Variants in NOX4 observed in about 807,000 individuals in gnomAD.
NOX4 encodes the protein NADPH oxidase 4, also known as kidney oxidase-1.
NOX4 carries 69 observed loss-of-function variants against 87.6 expected under a neutral mutation model. The ratio of observed to expected loss-of-function variants is 0.79; its 90% CI spans 0.65 to 0.96. NOX4 has a LOEUF of 0.96. Ranked by LOEUF, NOX4 falls within the 40% of genes least tolerant of loss-of-function variation. NOX4 has a pLI of 0.00. For missense variants in NOX4, 680 were observed against 681.5 expected (o/e 1.00, Z 0.02); for synonymous variants, 275 against 238.2 (o/e 1.15, Z -1.42).
chr11:89,339,378 T>C (rs1945872448), intron 15 of NOX4, among the ~76,000 whole-genome samples: 1 of 152,152 alleles, frequency 6.6e-6, no homozygotes, highest in South Asian at 2.1e-4. Flanking sequence ...AATAGTATGA[T>C]ATAATTTATA....
intron 12 of NOX4, among the ~76,000 whole-genome samples, chr11:89,372,804 A>G (rs1298541814): frequency 1.3e-5 from 2 of 151,994 alleles, no homozygotes; most frequent in African/African-American, 4.8e-5. Context: ...TAACAAGCCA[A>G]CATTTACTGA....
the NOX4 span, among the ~76,000 whole-genome samples, chr11:89,553,271 G>C: frequency 6.6e-6 from 1 of 152,106 alleles, no homozygotes; most frequent in Non-Finnish European, 1.5e-5. Flanking sequence ...TTGGATCGTG[G>C]GGACAGTTTC....
chr11:89,340,903 T>C (rs1486869101), intron 14 of NOX4, among the ~76,000 whole-genome samples: 1 of 152,128 alleles, frequency 6.6e-6, no homozygotes, highest in Non-Finnish European at 1.5e-5. Context: ...TTACATCTAG[T>C]ATTTAAAACT....
At chr11:89,468,859 C>T (rs568038668) in intron 2 of NOX4, among the ~76,000 whole-genome samples, 1 of 152,292 alleles carries the variant, frequency 6.6e-6, no homozygotes, top group Admixed American at 6.5e-5. Flanking sequence ...ATTCTCCCAC[C>T]TCAGCCTCTA....
intron 6 of NOX4, among the ~76,000 whole-genome samples, chr11:89,436,985 G>GA (rs1944109186): frequency 6.6e-6 from 1 of 151,472 alleles, no homozygotes; most frequent in African/African-American, 2.4e-5. Flanking sequence ...AGATTCCATT[G>GA]AAAAAAATTC....
intron 7 of NOX4, among the ~76,000 whole-genome samples, chr11:89,432,094 C>T (rs1298515211): frequency 2.3e-4 from 35 of 150,982 alleles, no homozygotes; most frequent in African/African-American, 2.7e-4. Flanking sequence ...AGCAAACTAT[C>T]GCAAGGACAA....
At chr11:89,544,220 T>C in the NOX4 span, among the ~76,000 whole-genome samples, 2 of 152,158 alleles carry the variant, frequency 1.3e-5, no homozygotes, top group Admixed American at 6.5e-5. Flanking sequence ...TTGAAATCTC[T>C]GCTTAAATGT....
intron 13 of NOX4, among the ~76,000 whole-genome samples, chr11:89,353,917 T>C (rs1937776070): frequency 6.6e-6 from 1 of 152,188 alleles, no homozygotes; most frequent in Non-Finnish European, 1.5e-5. Context: ...TCTTTGTGTG[T>C]GTTATCAGGG....
chr11:89,534,653 G>A, the NOX4 span, among the ~76,000 whole-genome samples: 1 of 152,206 alleles, frequency 6.6e-6, no homozygotes, highest in Non-Finnish European at 1.5e-5. Flanking sequence ...AGTGCTGTCA[G>A]CAAAGAAAAT....
At chr11:89,560,355 T>C in the NOX4 span, among the ~76,000 whole-genome samples, 1 of 152,130 alleles carries the variant, frequency 6.6e-6, no homozygotes, top group African/African-American at 2.4e-5. Flanking sequence ...TTCTGGCACC[T>C]TTGATTTTTT....
At chr11:89,548,184 C>G in the NOX4 span, 1 of 152,164 alleles carries the variant, frequency 6.6e-6, no homozygotes, top group East Asian at 1.9e-4. Context: ...GGAAGCCCTA[C>G]TCCCAGTGCG....
intron 2 of NOX4, among the ~76,000 whole-genome samples, chr11:89,478,483 T>A (rs1591353967): frequency 6.6e-6 from 1 of 152,196 alleles, no homozygotes; most frequent in African/African-American, 2.4e-5. Context: ...ACTGATATTG[T>A]CGACTTTTCA....
At chr11:89,417,173 C>T (rs1177236982) in intron 8 of NOX4, among the ~76,000 whole-genome samples, 1 of 152,104 alleles carries the variant, frequency 6.6e-6, no homozygotes, top group African/African-American at 2.4e-5. Context: ...ACAATGCATT[C>T]CCTCCACATT....
intron 11 of NOX4, among the ~76,000 whole-genome samples, chr11:89,393,930 C>G (rs1356797369): frequency 6.6e-6 from 1 of 152,134 alleles, no homozygotes; most frequent in Admixed American, 6.6e-5. Context: ...CGTCTTCTAC[C>G]TCCAGTTCCT....
At chr11:89,471,741 T>C (rs1270469122) in intron 2 of NOX4, among the ~76,000 whole-genome samples, 1 of 152,148 alleles carries the variant, frequency 6.6e-6, no homozygotes, top group Non-Finnish European at 1.5e-5. Context: ...TTTGTTTGTT[T>C]GTTTGTTTGT....
At chr11:89,332,303 T>C (rs1045619991) in intron 17 of NOX4, among the ~76,000 whole-genome samples, 21 of 151,900 alleles carry the variant, frequency 1.4e-4, no homozygotes, top group African/African-American at 5.1e-4. Flanking sequence ...GGCAGTAAAA[T>C]AAAGATATAA....
At position 89,471,726 on chromosome 11, in the gene NOX4, T is replaced by TTTTG. The variant is rs201346245; in HGVS notation, c.153+18728_153+18731dup. ...CTGATTACCTAACTTTTTTGATTGTTTTTGTTTGTTTGTTTGTTTGTTTGT... is the reference window on the plus strand; with the variant it reads ...CTGATTACCTAACTTTTTTGATTGTTTTTGTTTGTTTGTTTGTTTGTTTGTTTGT... On this transcript the variant is annotated intron_variant, in intron 2 of 17. Coordinates refer to ENST00000263317, the MANE Select transcript of NOX4 (RefSeq NM_016931.5). Among the ~76,000 whole-genome samples, 458 of 152,130 alleles carry TTTTG rather than the reference T, an allele frequency of 3.0e-3. 1 individual carries two copies. The highest frequency in any genetic ancestry group is 9.3e-3 in the East Asian group (48 of 5,160).
chr11:89,438,906 A>AT (rs1944318384), intron 6 of NOX4, among the ~76,000 whole-genome samples: 2 of 63,384 alleles, frequency 3.2e-5, no homozygotes, highest in Non-Finnish European at 5.5e-5. Flanking sequence ...TATATATATA[A>AT]TATATAATAT....
chr11:89,402,520 T>A lies in NOX4; in HGVS notation c.652A>T (p.Asn218Tyr), dbSNP rs2135188240. The change falls in exon 9 of 18, where the codon AAT becomes TAT. Residue 218 changes from asparagine (N) to tyrosine (Y), a missense_variant. Physicochemically the swap from Asn to Tyr is moderately radical, Grantham distance 143. Transcript: ENST00000263317. ...CAGCCGGGAGGGTGGGTATCTAAAT[T>A]AGTTTGATACTTCAGCAGCCCTCTA... is the stretch of plus-strand genomic sequence containing the variant. ...VSGGLLKYQT[N>Y]LDTHPPGCIS... 1 of 1,610,212 alleles carries A rather than the reference T, an allele frequency of 6.2e-7. No homozygotes were observed. Among genetic ancestry groups the A allele is most frequent in the Non-Finnish European group, 8.5e-7 (1 of 1,178,228 alleles).
Sources: gnomAD v4.1 joint callset for allele counts (sites outside exome capture counted in the v4.1 genomes callset) on GRCh38, gnomAD v4.1.1 for gene constraint, MANE v1.5 for transcripts, NCBI Gene and HGNC (gene_info 2026-07-23, HGNC 2026-07-21) for gene names.